The following CLSTN1 variants were observed in gnomAD, a reference collection of about 807,000 sequenced individuals.
CLSTN1 encodes calsyntenin 1, also known as calsyntenin-1.
Under a neutral mutation model 108.3 loss-of-function variants are expected in CLSTN1, and 28 were observed. The observed-to-expected ratio is 0.26, with a 90% CI of 0.19 to 0.35. The LOEUF is 0.35. Ranked by LOEUF, CLSTN1 falls within the 10% of genes least tolerant of loss-of-function variation. The pLI is 1.00. For missense variants in CLSTN1, 1,157 were observed against 1,302.6 expected (o/e 0.89, Z 1.72); for synonymous variants, 524 against 534.9 (o/e 0.98, Z 0.28).
intron 2 of CLSTN1, among the ~76,000 whole-genome samples, chr1:9,757,498 C>A (rs894495993): frequency 1.3e-5 from 2 of 152,172 alleles, no homozygotes; most frequent in East Asian, 3.9e-4. Context: ...GCCTCGGCCT[C>A]CCAAAGTGCT....
rs551587608 is a variant in CLSTN1 at position 9,787,624 on chromosome 1, G to A, written c.92-14230C>T. ...TCACCATGTTAGCCAGGATGGTCTCGATCTCCTGACCTCGTGATCCACCTG... is the reference window on the plus strand; with the variant it reads ...TCACCATGTTAGCCAGGATGGTCTCAATCTCCTGACCTCGTGATCCACCTG... On this transcript the variant is annotated intron_variant, in intron 1 of 18. Transcript: ENST00000377298. Among the ~76,000 whole-genome samples the A allele has an allele frequency of 3.0e-4, 46 of 151,148 alleles. 1 individual carries two copies. The highest frequency in any genetic ancestry group is 4.9e-4 in the Non-Finnish European group (33 of 67,960).
chr1:9,780,964 T>C, intron 1 of CLSTN1: 1 of 453,418 alleles, frequency 2.2e-6, no homozygotes. Context: ...ACATGAGGTG[T>C]GGAATTTTCC....
chr1:9,751,831 C>CA (rs1651575225), intron 4 of CLSTN1, 150 bp from the exon 5 acceptor site: 4 of 660,550 alleles, frequency 6.1e-6, no homozygotes, highest in Non-Finnish European at 7.8e-6. Context: ...ATGATGAAGT[C>CA]AAAAATTAAA....
At chr1:9,802,735 T>C (rs1179281164) in intron 1 of CLSTN1, among the ~76,000 whole-genome samples, 1 of 152,034 alleles carries the variant, frequency 6.6e-6, no homozygotes, top group Non-Finnish European at 1.5e-5. Context: ...TCCTCTTTGG[T>C]AAAATGGGCT....
chr1:9,735,892 C>G lies in CLSTN1; in HGVS notation c.1727G>C (p.Gly576Ala), dbSNP rs1329350063. The G allele has an allele frequency of 6.2e-7, 1 of 1,614,114 alleles. No homozygotes were observed. Among genetic ancestry groups the G allele is most frequent in the Non-Finnish European group, 8.5e-7 (1 of 1,180,030 alleles). The change falls in exon 12 of 19, where the codon GGC (glycine) becomes GCC (alanine). Residue 576 changes from glycine to alanine, a missense_variant. By Grantham distance (60) the Gly-to-Ala change is moderately conservative. Coordinates refer to ENST00000377298, the MANE Select transcript of CLSTN1 (RefSeq NM_001009566.3). ...DLQVLEDSGR[G>A]VQIQAHPSQL... ...TCGAGCGCTCGGTGTTACCTGCACG[C>G]CTCTGCCACTGTCTTCGAGGACCTG...
Position 9,818,856 on chromosome 1 carries a change from G to A in CLSTN1, c.91+4787C>T, listed in dbSNP as rs542634829. Among the ~76,000 whole-genome samples, 661 of 135,874 alleles carry A rather than the reference G, an allele frequency of 4.9e-3. 2 individuals carry two copies. Among genetic ancestry groups the A allele is most frequent in the African/African-American group, 0.017 (598 of 35,688 alleles). The allele number at this position is 135,874 out of a possible 152,430, so 89.1% of individuals were successfully genotyped here. A position where few individuals can be genotyped will look rare whatever the true frequency, so the allele number is the denominator to read the frequency against. ...GGCTGGAGTGCAGTGGCGCGATCTC[G>A]GCTCACTGCAAGCTCCACCTCCCGG... is the stretch of plus-strand genomic sequence containing the variant. On this transcript the variant is annotated intron_variant, in intron 1 of 18. Transcript: ENST00000377298.
rs553166525 is a variant in CLSTN1, at chr1:9,734,346, G to C, written c.2111-204C>G. 6.6e-6 allele frequency among the ~76,000 whole-genome samples: 1 copy of C among 152,128 alleles called. No homozygotes were observed. Among genetic ancestry groups the C allele is most frequent in the Non-Finnish European group, 1.5e-5 (1 of 68,022 alleles). The stretch of plus-strand genomic sequence containing the variant: ...TCCCAGCACTTTGGGAGGCCAAGAC[G>C]GGTGGATCACCTGAGGTCAGGAGTT... On this transcript the variant is annotated intron_variant, in intron 14 of 18. Coordinates refer to ENST00000377298, the MANE Select transcript of CLSTN1 (RefSeq NM_001009566.3). This position sits in a 1 kb window ranked among gnomAD's most constrained non-coding sequence, Gnocchi z 4.8.
intron 2 of CLSTN1, among the ~76,000 whole-genome samples, chr1:9,771,026 T>G (rs1311899223): frequency 6.6e-6 from 1 of 151,882 alleles, no homozygotes; most frequent in Non-Finnish European, 1.5e-5. Flanking sequence ...AATAAAATAG[T>G]GCATCAATTA....
At chr1:9,763,262 T>A (rs1312031871) in intron 2 of CLSTN1, among the ~76,000 whole-genome samples, 2 of 152,132 alleles carry the variant, frequency 1.3e-5, no homozygotes, top group Non-Finnish European at 2.9e-5. Flanking sequence ...GCACCCGGCC[T>A]AGGATACCTT....
chr1:9,822,852 T>C (rs1655240813), intron 1 of CLSTN1, among the ~76,000 whole-genome samples: 1 of 152,110 alleles, frequency 6.6e-6, no homozygotes, highest in Admixed American at 6.6e-5. Context: ...TTCTCGTTTT[T>C]GTAGAGAACA....
Position 9,823,367 on chromosome 1 carries a change from C to T in CLSTN1, c.91+276G>A, listed in dbSNP as rs1232417087. Among the ~76,000 whole-genome samples, 1 of 152,158 alleles carries T rather than the reference C, an allele frequency of 6.6e-6. No individual in the cohort carries two copies. ...GGGCAGCCCAGGCTCAGGAGCCCCG[C>T]CCGGGACGGAGCCTGGCTTCCCCGG... On this transcript the variant is annotated intron_variant, in intron 1 of 18. Coordinates refer to ENST00000377298, the MANE Select transcript of CLSTN1 (RefSeq NM_001009566.3). This position sits in a 1 kb window ranked among gnomAD's most constrained non-coding sequence, Gnocchi z 6.3.
In CLSTN1 at chr1:9,749,567, G is replaced by A. The variant is rs535496501; in HGVS notation, c.879C>T (p.Asp293=). The A allele has an allele frequency of 1.9e-5, 30 of 1,614,182 alleles. No individual in the cohort carries two copies. The highest frequency in any genetic ancestry group is 6.7e-5 in the East Asian group (3 of 44,884). The part of the protein sequence containing the change: ...VFPNIHLETC[D]EPVASVQATV... ...TGGCCTGTACTGAGGCGACTGGCTC[G>A]TCACATGTCTCCAGGTGGATATTTG... The change falls in exon 7 of 19, where the codon GAC becomes GAT. Residue 293 remains aspartate, a synonymous_variant. Transcript: ENST00000377298.
intron 1 of CLSTN1, among the ~76,000 whole-genome samples, chr1:9,775,666 G>A (rs1435037193): frequency 1.3e-5 from 2 of 152,056 alleles, no homozygotes; most frequent in Non-Finnish European, 1.5e-5. Flanking sequence ...TATAACCTCA[G>A]ACTATGAATG....
At chr1:9,777,377 G>A (rs978825598) in intron 1 of CLSTN1, among the ~76,000 whole-genome samples, 3 of 151,560 alleles carry the variant, frequency 2.0e-5, no homozygotes, top group Non-Finnish European at 4.4e-5. Context: ...ACAAAAATTA[G>A]CTGGGCGTGG....
chr1:9,814,756 A>T (rs1382924742), intron 1 of CLSTN1, among the ~76,000 whole-genome samples: 2 of 151,990 alleles, frequency 1.3e-5, no homozygotes, highest in Non-Finnish European at 2.9e-5. Context: ...CAAAAATTTT[A>T]AAATTAGCCA....
At chr1:9,747,825 C>T (rs1225837551) in intron 7 of CLSTN1, among the ~76,000 whole-genome samples, 4 of 151,940 alleles carry the variant, frequency 2.6e-5, no homozygotes, top group Admixed American at 6.6e-5. Flanking sequence ...GGGCGGATCA[C>T]GAGGTCAGGA....
At position 9,794,471 on chromosome 1, in the gene CLSTN1, G is replaced by A. The variant is rs548160896; in HGVS notation, c.92-21077C>T. ...TCACAGGCGTGCTTCACCATGCCTG[G>A]CTAATTTTTGTATTTTTAGTAGAGA... On this transcript the variant is annotated intron_variant, in intron 1 of 18. Coordinates refer to ENST00000377298, the MANE Select transcript of CLSTN1 (RefSeq NM_001009566.3). Among the ~76,000 whole-genome samples, 214 of 151,392 alleles carry A rather than the reference G, an allele frequency of 1.4e-3. 2 individuals are homozygous for A. Among genetic ancestry groups the A allele is most frequent in the African/African-American group, 4.9e-3 (202 of 41,516 alleles).
intron 1 of CLSTN1, among the ~76,000 whole-genome samples, chr1:9,799,896 G>A (rs1249491651): frequency 3.3e-5 from 5 of 152,156 alleles, no homozygotes; most frequent in African/African-American, 9.6e-5. Context: ...AGCCAAGATC[G>A]TGCCACTGCA....
rs768060851 is a variant in CLSTN1, at chr1:9,731,264, T to C, written c.2690A>G (p.Lys897Arg). ...RRTMRDQDTG[K>R]ENEMDWDDSA... is the part of the protein sequence containing the mutation. The stretch of plus-strand genomic sequence containing the variant: ...GTCGTCCCAGTCCATCTCGTTCTCC[T>C]TCCCGGTGTCCTGATCCCGCATGGT... The change falls in exon 18 of 19, where the codon AAG becomes AGG. Residue 897 changes from lysine to arginine, a missense_variant. Coordinates refer to ENST00000377298, the MANE Select transcript of CLSTN1 (RefSeq NM_001009566.3). 44 of 1,614,134 alleles carry C rather than the reference T, an allele frequency of 2.7e-5. No individual in the cohort carries two copies. Among genetic ancestry groups the C allele is most frequent in the Non-Finnish European group, 3.5e-5 (41 of 1,180,056 alleles).
Sources: allele counts gnomAD v4.1 joint callset (sites outside exome capture counted in the v4.1 genomes callset), GRCh38; gene constraint gnomAD v4.1.1; non-coding constraint Gnocchi (gnomAD v3.1); transcripts MANE v1.5; gene names NCBI Gene and HGNC (gene_info 2026-07-23, HGNC 2026-07-21).